Variants in RNF144B observed in about 807,000 individuals in gnomAD.
RNF144B encodes the protein E3 ubiquitin-protein ligase RNF144B.
In RNF144B, 25 loss-of-function variants were observed where a neutral mutation model predicts 40.2. The observed-to-expected ratio is 0.62, with a 90% confidence interval of 0.45 to 0.87. RNF144B has a LOEUF of 0.87. Among genes scored for constraint, RNF144B ranks in the 40% least tolerant of loss-of-function variants. The pLI is 0.00. For missense variants in RNF144B, 365 were observed against 373.7 expected, an observed-to-expected ratio of 0.98 and a Z score of 0.19; for synonymous variants, 145 against 136.3, an observed-to-expected ratio of 1.06 and a Z score of -0.44.
chr6:18,438,449 T>C (rs1444226607), intron 3 of RNF144B, among the ~76,000 whole-genome samples: 1 of 152,126 alleles, frequency 6.6e-6, no homozygotes, highest in Non-Finnish European at 1.5e-5. Flanking sequence ...GAAAGAAAAT[T>C]TGGATAAAAA....
intron 4 of RNF144B, among the ~76,000 whole-genome samples, chr6:18,449,507 A>G (rs1012614074): frequency 2.0e-5 from 3 of 152,168 alleles, no homozygotes; most frequent in East Asian, 1.9e-4. Context: ...AAAAGTAAAG[A>G]ATTAAAATCC....
chr6:18,428,659 C>G (rs1758622099), intron 3 of RNF144B, among the ~76,000 whole-genome samples: 1 of 152,130 alleles, frequency 6.6e-6, no homozygotes, highest in East Asian at 1.9e-4. Context: ...ATCAGTTGTT[C>G]ATTTAGCAAA....
Position 18,413,953 on chromosome 6 carries a change from T to G in RNF144B, c.166-13628T>G, listed in dbSNP as rs190049423. 3.5e-4 allele frequency among the ~76,000 whole-genome samples: 54 copies of G among 152,256 alleles called. 1 individual carries two copies. The East Asian group carries it at 8.5e-3, about 24-fold the overall frequency. On this transcript the variant is annotated intron_variant, in intron 2 of 7. Coordinates refer to ENST00000259939, the MANE Select transcript of RNF144B (RefSeq NM_182757.4). ...TCAGAAAAGGAAGACTGGTTCAAAT[T>G]ATGTCAATTAATATGAAAAAAGCCC...
chr6:18,406,649 G>A lies in RNF144B; in HGVS notation c.165+6950G>A, dbSNP rs1048446621. 2.0e-5 allele frequency among the ~76,000 whole-genome samples: 3 copies of A among 152,102 alleles called. No individual in the cohort carries two copies. The highest frequency in any genetic ancestry group is 7.2e-5 in the African/African-American group (3 of 41,426). On this transcript the variant is annotated intron_variant, in intron 2 of 7. Coordinates refer to ENST00000259939, the MANE Select transcript of RNF144B (RefSeq NM_182757.4). The surrounding 1 kb of genome is among the most constrained non-coding windows in gnomAD (Gnocchi z 4.2). ...TGGTATAAGTCCCAGTCCGAGGGCAGGAGAAAACTGATGTCCCAGCTCAGG... is the reference window on the plus strand; with the variant it reads ...TGGTATAAGTCCCAGTCCGAGGGCAAGAGAAAACTGATGTCCCAGCTCAGG...
intron 1 of RNF144B, among the ~76,000 whole-genome samples, chr6:18,392,584 A>T (rs1190016907): frequency 6.6e-6 from 1 of 152,172 alleles, no homozygotes; most frequent in Non-Finnish European, 1.5e-5. Context: ...AAACTGTTGA[A>T]ATGACGATGT....
At chr6:18,404,405 C>T (rs1794853770) in intron 2 of RNF144B, among the ~76,000 whole-genome samples, 1 of 152,150 alleles carries the variant, frequency 6.6e-6, no homozygotes, top group Admixed American at 6.5e-5. Context: ...GTTTCTTTGC[C>T]TGTAAGACGG....
intron 7 of RNF144B, 120 bp downstream of exon 7, chr6:18,463,500 T>C: frequency 8.9e-6 from 6 of 673,208 alleles, no homozygotes; most frequent in Non-Finnish European, 1.6e-5. Flanking sequence ...TGGGAGCTTC[T>C]GGGGAGTGTT....
intron 6 of RNF144B, among the ~76,000 whole-genome samples, chr6:18,461,823 G>A (rs896010307): frequency 2.6e-5 from 4 of 152,232 alleles, no homozygotes; most frequent in African/African-American, 7.2e-5. Context: ...AGATCATGGG[G>A]CCAGGAGAGG....
At chr6:18,423,785 C>A (rs757275341) in intron 2 of RNF144B, among the ~76,000 whole-genome samples, 1 of 151,888 alleles carries the variant, frequency 6.6e-6, no homozygotes, top group Non-Finnish European at 1.5e-5. Flanking sequence ...TTTGCATGAC[C>A]CTTCATGGCC....
chr6:18,399,364 G>C, intron 1 of RNF144B, 135 bp from the exon 2 acceptor site: 1 of 631,638 alleles, frequency 1.6e-6, no homozygotes, highest in Non-Finnish European at 2.7e-6. Flanking sequence ...CTAGCCCGTC[G>C]TTCCCAGAAA....
rs1461035929 is a variant in RNF144B at position 18,392,748 on chromosome 6, T to C, written c.-37+5118T>C. 2.0e-5 allele frequency among the ~76,000 whole-genome samples: 3 copies of C among 152,204 alleles called. No individual in the cohort carries two copies. In the East Asian group the frequency reaches 5.8e-4, roughly 29 times the overall value. ...GAGCCTGAATAGGTGAATATTTACT[T>C]TCTTACATCTAAGACCTAAATATTT... is the stretch of plus-strand genomic sequence containing the variant. On this transcript the variant is annotated intron_variant, in intron 1 of 7. Coordinates refer to ENST00000259939, the MANE Select transcript of RNF144B (RefSeq NM_182757.4).
chr6:18,454,765 C>T (rs1225269911), intron 4 of RNF144B, among the ~76,000 whole-genome samples: 1 of 152,122 alleles, frequency 6.6e-6, no homozygotes, highest in East Asian at 1.9e-4. Flanking sequence ...TCTGTGCTTC[C>T]CTTTTGTCAC....
In RNF144B at chr6:18,425,651, A is replaced by G. The variant is rs1758533119; in HGVS notation, c.166-1930A>G. Among the ~76,000 whole-genome samples, 1 of 152,142 alleles carries G rather than the reference A, an allele frequency of 6.6e-6. No individual in the cohort carries two copies. Among genetic ancestry groups the G allele is most frequent in the Non-Finnish European group, 1.5e-5 (1 of 68,016 alleles). ...GTCAGGGTTAAAACACAGTAATTATATGGCGGTCAAGTGCAAGAGAGGAGT... is the reference window on the plus strand; with the variant it reads ...GTCAGGGTTAAAACACAGTAATTATGTGGCGGTCAAGTGCAAGAGAGGAGT... On this transcript the variant is annotated intron_variant, in intron 2 of 7. Coordinates refer to ENST00000259939, the MANE Select transcript of RNF144B (RefSeq NM_182757.4). This position sits in a 1 kb window ranked among gnomAD's most constrained non-coding sequence, Gnocchi z 4.2.
At position 18,447,791 on chromosome 6, in the gene RNF144B, AG is replaced by A. The variant is rs1759115679; in HGVS notation, c.331+8048del. ...AGGTTTAAAGCTGTGACACTGAATGAGCGCATCTAAGAATTAAACATAGCTA... is the reference window on the plus strand; with the variant it reads ...AGGTTTAAAGCTGTGACACTGAATGACGCATCTAAGAATTAAACATAGCTA... On this transcript the variant is annotated intron_variant, in intron 4 of 7. Coordinates refer to ENST00000259939, the MANE Select transcript of RNF144B (RefSeq NM_182757.4). This position sits in a 1 kb window ranked among gnomAD's most constrained non-coding sequence, Gnocchi z 5.6. Among the ~76,000 whole-genome samples the A allele has an allele frequency of 6.6e-6, 1 of 152,194 alleles. No homozygotes were observed. The highest frequency in any genetic ancestry group is 2.4e-5 in the African/African-American group (1 of 41,450).
chr6:18,431,985 G>A (rs541889075), intron 3 of RNF144B, among the ~76,000 whole-genome samples: 1 of 152,272 alleles, frequency 6.6e-6, no homozygotes, highest in East Asian at 1.9e-4. Flanking sequence ...CATGGGTTCT[G>A]CATTTGGGGA....
intron 1 of RNF144B, among the ~76,000 whole-genome samples, chr6:18,391,618 A>T (rs1482490913): frequency 6.6e-6 from 1 of 152,196 alleles, no homozygotes; most frequent in Non-Finnish European, 1.5e-5. Context: ...CTGTAATCCC[A>T]GCACTTTGGG....
In RNF144B at chr6:18,447,521, G is replaced by A. The variant is rs36056773; in HGVS notation, c.331+7777G>A. Among the ~76,000 whole-genome samples, 11,971 of 152,228 alleles carry A rather than the reference G, an allele frequency of 0.079. 594 individuals are homozygous for A. Among genetic ancestry groups the A allele is most frequent in the Non-Finnish European group, 0.12 (8,033 of 68,002 alleles). On this transcript the variant is annotated intron_variant, in intron 4 of 7. Transcript: ENST00000259939. This position sits in a 1 kb window ranked among gnomAD's most constrained non-coding sequence, Gnocchi z 5.6. ...ATTTCCATTTTAGAAGATTACTGTC[G>A]CTGCTGCAGAAGAGTGGATGGTAAT...
chr6:18,387,920 A>C (rs878859486), intron 1 of RNF144B, among the ~76,000 whole-genome samples: 1 of 152,186 alleles, frequency 6.6e-6, no homozygotes, highest in African/African-American at 2.4e-5. Context: ...CCTAGGTCTT[A>C]AGGGGAGACC....
chr6:18,441,728 C>T lies in RNF144B; in HGVS notation c.331+1984C>T, dbSNP rs573283280. Among the ~76,000 whole-genome samples the T allele has an allele frequency of 1.4e-4, 21 of 152,236 alleles. No homozygotes were observed. Among genetic ancestry groups the T allele is most frequent in the African/African-American group, 4.8e-4 (20 of 41,530 alleles). ...CTCCACCACTGGTAAGCTGTGTGAC[C>T]ATGGCAAGGTCCTTAATATTTCTGC... On this transcript the variant is annotated intron_variant, in intron 4 of 7. Coordinates refer to ENST00000259939, the MANE Select transcript of RNF144B (RefSeq NM_182757.4). This position sits in a 1 kb window ranked among gnomAD's most constrained non-coding sequence, Gnocchi z 4.9.
Sources: allele counts gnomAD v4.1 joint callset (sites outside exome capture counted in the v4.1 genomes callset), GRCh38; gene constraint gnomAD v4.1.1; non-coding constraint Gnocchi (gnomAD v3.1); transcripts MANE v1.5; gene names NCBI Gene and HGNC (gene_info 2026-07-23, HGNC 2026-07-21).